The following TMEM150C variants were observed in gnomAD, a reference collection of about 807,000 sequenced individuals.
The protein encoded by TMEM150C is transmembrane protein 150C, also known as tentonin 3.
TMEM150C carries 10 observed loss-of-function variants against 29.9 expected under a neutral mutation model. The observed-to-expected ratio is 0.33, with a 90% CI of 0.21 to 0.57. The LOEUF (loss-of-function observed/expected upper bound fraction) is 0.57. TMEM150C is among the 20% of genes least tolerant of loss of function. The probability of loss-of-function intolerance (pLI) is 0.88; values close to 1 mark genes in which losing one functional copy is unlikely to be tolerated. For missense variants in TMEM150C, 251 were observed against 303.6 expected (o/e 0.83, Z 1.29); for synonymous variants, 101 against 112.5 (o/e 0.90, Z 0.64).
intron 1 of TMEM150C, among the ~76,000 whole-genome samples, chr4:82,523,241 G>A (rs1388711714): frequency 6.6e-6 from 1 of 152,138 alleles, no homozygotes; most frequent in Non-Finnish European, 1.5e-5. Context: ...GGGCGGGGGG[G>A]TGCTCCAAAA....
At chr4:82,548,115 T>A (rs1725445399) in intron 1 of TMEM150C, among the ~76,000 whole-genome samples, 1 of 152,012 alleles carries the variant, frequency 6.6e-6, no homozygotes, top group South Asian at 2.1e-4. Flanking sequence ...GAAAAACAAA[T>A]ACCGTACGTT....
intron 1 of TMEM150C, among the ~76,000 whole-genome samples, chr4:82,507,727 C>CTTTTTTT (rs869112887): frequency 3.4e-4 from 7 of 20,592 alleles, no homozygotes; most frequent in Non-Finnish European, 4.4e-4. Flanking sequence ...CTCTCTCTCT[C>CTTTTTTT]TTTTTTTTTT....
chr4:82,512,938 G>A (rs1023126051), intron 1 of TMEM150C, among the ~76,000 whole-genome samples: 1 of 152,242 alleles, frequency 6.6e-6, no homozygotes, highest in Non-Finnish European at 1.5e-5. Context: ...AGCAGCCCCA[G>A]TCAGGGGCTT....
At chr4:82,488,320 G>C (rs1290535034) in intron 7 of TMEM150C, among the ~76,000 whole-genome samples, 2 of 152,210 alleles carry the variant, frequency 1.3e-5, no homozygotes, top group African/African-American at 4.8e-5. Context: ...TAAGAGTGAA[G>C]AGCTGAGCCT....
chr4:82,551,710 G>A (rs1725583428), intron 1 of TMEM150C, among the ~76,000 whole-genome samples: 1 of 152,234 alleles, frequency 6.6e-6, no homozygotes, highest in South Asian at 2.1e-4. Flanking sequence ...TCTATCCAGG[G>A]CGGCTGCCCC....
Position 82,489,978 on chromosome 4 carries a change from C to T in TMEM150C, c.541+83G>A. 3 of 1,369,986 alleles carry T rather than the reference C, an allele frequency of 2.2e-6. No individual in the cohort carries two copies. In the South Asian group the frequency reaches 4.1e-5, roughly 19 times the overall value. 84.9% of individuals were successfully genotyped at this position (1,369,986 alleles called of 1,614,324 possible). ...TTCTGAGAAGATCTGGCAGAATATCCTAACCCACTGGGTTCTTCTACAGAG... is the reference window on the plus strand; with the variant it reads ...TTCTGAGAAGATCTGGCAGAATATCTTAACCCACTGGGTTCTTCTACAGAG... On this transcript the variant is annotated intron_variant, in intron 7 of 7. Coordinates refer to ENST00000449862, the MANE Select transcript of TMEM150C (RefSeq NM_001080506.3).
At chr4:82,492,896 A>ATATG (rs1723416679) in intron 6 of TMEM150C, among the ~76,000 whole-genome samples, 1 of 137,814 alleles carries the variant, frequency 7.3e-6, no homozygotes, top group African/African-American at 2.8e-5. Context: ...ATATATATAT[A>ATATG]TATGTATTTG....
intron 1 of TMEM150C, among the ~76,000 whole-genome samples, chr4:82,559,871 G>T (rs568882652): frequency 6.6e-6 from 1 of 152,278 alleles, no homozygotes; most frequent in East Asian, 1.9e-4. Context: ...TGAGATTGCG[G>T]GGTCCAGCTA....
At chr4:82,554,970 A>G (rs76270993) in intron 1 of TMEM150C, among the ~76,000 whole-genome samples, 1 of 152,336 alleles carries the variant, frequency 6.6e-6, no homozygotes, top group East Asian at 1.9e-4. Flanking sequence ...CAGCTTCTGT[A>G]CTTTTTAAAG....
intron 1 of TMEM150C, among the ~76,000 whole-genome samples, chr4:82,535,278 G>A (rs1358283987): frequency 6.6e-6 from 1 of 152,152 alleles, no homozygotes; most frequent in Admixed American, 6.6e-5. Flanking sequence ...TATGGCAGAA[G>A]GTGTCAAATG....
rs771446763 is a variant in TMEM150C, at chr4:82,538,347, C to T, written c.-11+23559G>A. ...TGCTGGGATTACAGGCATGAGCCGCCGCACCCAGCCTATGCATTATTTTAT... is the reference window on the plus strand; with the variant it reads ...TGCTGGGATTACAGGCATGAGCCGCTGCACCCAGCCTATGCATTATTTTAT... On this transcript the variant is annotated intron_variant, in intron 1 of 7. Transcript: ENST00000449862. Among the ~76,000 whole-genome samples, 12 of 152,178 alleles carry T rather than the reference C, an allele frequency of 7.9e-5. 1 individual carries two copies. The highest frequency in any genetic ancestry group is 2.0e-4 in the Admixed American group (3 of 15,282).
intron 1 of TMEM150C, among the ~76,000 whole-genome samples, chr4:82,526,323 C>T (rs1309683176): frequency 6.6e-6 from 1 of 152,246 alleles, no homozygotes; most frequent in Admixed American, 6.5e-5. Context: ...CACATTTCTT[C>T]TGGCAGTCAG....
At chr4:82,527,913 G>A (rs187215911) in intron 1 of TMEM150C, among the ~76,000 whole-genome samples, 22 of 151,418 alleles carry the variant, frequency 1.5e-4, no homozygotes, top group East Asian at 5.8e-4. Context: ...TTCATATCCC[G>A]AAGTCAGGTT....
At chr4:82,558,056 G>T (rs565878486) in intron 1 of TMEM150C, among the ~76,000 whole-genome samples, 2 of 152,094 alleles carry the variant, frequency 1.3e-5, no homozygotes, top group South Asian at 4.2e-4. Flanking sequence ...CATAGCAATA[G>T]GATTATGAAG....
At chr4:82,537,224 A>G (rs2110085754) in intron 1 of TMEM150C, among the ~76,000 whole-genome samples, 1 of 152,232 alleles carries the variant, frequency 6.6e-6, no homozygotes, top group Non-Finnish European at 1.5e-5. Context: ...TGACCTTGTG[A>G]TCTGCCCGCC....
intron 5 of TMEM150C, among the ~76,000 whole-genome samples, chr4:82,496,852 G>C (rs1028763656): frequency 6.6e-6 from 1 of 152,146 alleles, no homozygotes; most frequent in Non-Finnish European, 1.5e-5. Flanking sequence ...GGTGTTCACT[G>C]TCAAACAACA....
At chr4:82,545,986 C>CA (rs548744660) in intron 1 of TMEM150C, among the ~76,000 whole-genome samples, 294 of 151,574 alleles carry the variant, frequency 1.9e-3, no homozygotes, top group Non-Finnish European at 3.2e-3. Flanking sequence ...ACAATAGCTG[C>CA]AAAAAACAAA....
intron 1 of TMEM150C, among the ~76,000 whole-genome samples, chr4:82,552,582 T>C (rs1056788480): frequency 1.3e-5 from 2 of 152,208 alleles, no homozygotes; most frequent in African/African-American, 4.8e-5. Flanking sequence ...ACAGGCTACC[T>C]AGCTCACCTG....
At chr4:82,492,757 A>T (rs1030011056) in intron 6 of TMEM150C, among the ~76,000 whole-genome samples, 9 of 141,764 alleles carry the variant, frequency 6.3e-5, no homozygotes, top group Non-Finnish European at 1.1e-4. Flanking sequence ...TAATTTTTTC[A>T]GTCAATCATA....
Sources: allele counts gnomAD v4.1 joint callset (sites outside exome capture counted in the v4.1 genomes callset), GRCh38; gene constraint gnomAD v4.1.1; transcripts MANE v1.5; gene names NCBI Gene and HGNC (gene_info 2026-07-23, HGNC 2026-07-21).